Variants in TAB3 observed in about 807,000 individuals in gnomAD.
The protein encoded by TAB3 is TGF-beta activated kinase 1 (MAP3K7) binding protein 3, also known as TGF-beta-activated kinase 1 and MAP3K7-binding protein 3.
Under a neutral mutation model 48.1 loss-of-function variants are expected in TAB3, and 18 were observed. The observed-to-expected ratio is 0.37, with a 90% CI of 0.26 to 0.55. The LOEUF (loss-of-function observed/expected upper bound fraction) is 0.55. TAB3 is among the 20% of genes least tolerant of loss of function. The pLI, the probability that TAB3 is intolerant of heterozygous loss-of-function variation, is 0.78. For synonymous variants in TAB3, 185 were observed against 190.2 expected (o/e 0.97, Z 0.22); for missense variants, 414 against 549.8 (o/e 0.75, Z 2.47).
chrX:30,878,152 T>G (rs142880484), intron 1 of TAB3, among the ~76,000 whole-genome samples: 14 of 111,966 alleles, frequency 1.3e-4, no homozygotes, highest in Non-Finnish European at 2.3e-4. Flanking sequence ...TTGACAAAAC[T>G]TCTAGGAGAA....
At chrX:30,867,433 A>G (rs953935469) in intron 3 of TAB3, 32 bp downstream of exon 3, 2 of 111,764 alleles carry the variant, frequency 1.8e-5, no homozygotes, top group African/African-American at 6.5e-5. Flanking sequence ...GTTTTAAAAA[A>G]TAGAGTTATT....
intron 2 of TAB3, among the ~76,000 whole-genome samples, chrX:30,871,041 A>G (rs1423594138): frequency 1.8e-5 from 2 of 112,658 alleles, no homozygotes; most frequent in Non-Finnish European, 3.8e-5. Flanking sequence ...ATACTAGGAA[A>G]CAGATGTTAT....
At chrX:30,875,804 T>C (rs780035175) in intron 1 of TAB3, among the ~76,000 whole-genome samples, 86 of 111,929 alleles carry the variant, frequency 7.7e-4, no homozygotes, top group Non-Finnish European at 1.2e-3. Flanking sequence ...AACCTTTCAA[T>C]TAAAAATGTA....
chrX:30,849,386 T>C (rs951791554), intron 7 of TAB3, among the ~76,000 whole-genome samples: 4 of 112,674 alleles, frequency 3.6e-5, no homozygotes, highest in African/African-American at 1.3e-4. Context: ...AAATGTGCAC[T>C]GCAGTATCAT....
chrX:30,880,023 T>A (rs1057085729), intron 1 of TAB3, among the ~76,000 whole-genome samples: 2 of 111,601 alleles, frequency 1.8e-5, no homozygotes, highest in African/African-American at 6.5e-5. Context: ...CAACCATTAC[T>A]GAAAGAAATT....
Position 30,854,351 on chromosome X carries a change from A to G in TAB3, c.1314T>C (p.Ser438=), listed in dbSNP as rs141854102. Residue 438 remains serine, a synonymous_variant, in exon 6 of 11, where the codon TCT becomes TCC. Coordinates refer to ENST00000288422, the MANE Select transcript of TAB3 (RefSeq NM_152787.5). The part of the protein sequence containing the change: ...YITYTQPTGP[S]CTPSPSPRVI... The stretch of plus-strand genomic sequence containing the variant: ...CTCGAGGAGATGGTGATGGAGTACA[A>G]GAAGGTCCAGTTGGCTGTGTATATG... 5.4e-3 allele frequency: 6,563 copies of G among 1,209,867 alleles called. 16 individuals are homozygous for G. The highest frequency in any genetic ancestry group is 7.1e-3 in the Middle Eastern group (31 of 4,347).
chrX:30,853,694 G>A (rs1938944097), intron 6 of TAB3, among the ~76,000 whole-genome samples: 1 of 112,131 alleles, frequency 8.9e-6, no homozygotes, highest in South Asian at 3.7e-4. Context: ...TGTTTGTTTT[G>A]GACACAGTCT....
At chrX:30,848,555 A>G (rs928536271) in intron 7 of TAB3, among the ~76,000 whole-genome samples, 2 of 111,205 alleles carry the variant, frequency 1.8e-5, no homozygotes, top group Non-Finnish European at 3.8e-5. Flanking sequence ...CAACAGGCTC[A>G]TTTCCAAAGA....
intron 4 of TAB3, among the ~76,000 whole-genome samples, chrX:30,862,487 G>A (rs752119733): frequency 1.1e-4 from 12 of 111,538 alleles, no homozygotes; most frequent in African/African-American, 3.6e-4. Flanking sequence ...ATCAAAACAC[G>A]GACAGACAGG....
intron 2 of TAB3, among the ~76,000 whole-genome samples, chrX:30,869,823 T>A (rs1321715822): frequency 8.9e-6 from 1 of 112,473 alleles, no homozygotes; most frequent in Non-Finnish European, 1.9e-5. Flanking sequence ...ATGTATTGTA[T>A]AACAAATGTA....
intron 7 of TAB3, 100 bp from the exon 8 acceptor site, chrX:30,846,744 C>T (rs1365200421): frequency 5.9e-6 from 3 of 505,234 alleles, no homozygotes; most frequent in South Asian, 4.2e-5. Flanking sequence ...TTGGGTATTA[C>T]CAAGAATACG....
chrX:30,843,612 C>A (rs1376742239), intron 8 of TAB3: 2 of 110,998 alleles, frequency 1.8e-5, no homozygotes, highest in African/African-American at 6.5e-5. Context: ...TTTATGTATT[C>A]TTATTTTCAA....
At chrX:30,887,704 C>T (rs1004144349) in intron 1 of TAB3, among the ~76,000 whole-genome samples, 10 of 112,245 alleles carry the variant, frequency 8.9e-5, no homozygotes, top group African/African-American at 2.6e-4. Context: ...ATATAATCGA[C>T]GTTAGCTCTG....
intron 6 of TAB3, among the ~76,000 whole-genome samples, chrX:30,853,466 GAA>G (rs1938936090): frequency 1.8e-5 from 2 of 111,921 alleles, no homozygotes; most frequent in Admixed American, 1.9e-4. Context: ...ATCCTCTTTA[GAA>G]AAGATTCAAA....
chrX:30,853,044 T>C (rs1446770110), intron 6 of TAB3, 106 bp from the exon 7 acceptor site: 6 of 857,300 alleles, frequency 7.0e-6, no homozygotes, highest in Non-Finnish European at 3.2e-6. Context: ...AACTTGGGGG[T>C]TGGCATTTAC....
Position 30,843,009 on chromosome X carries a change from G to A in TAB3, c.1845C>T (p.Asn615=). 5 of 1,187,157 alleles carry A rather than the reference G, an allele frequency of 4.2e-6. No homozygotes were observed. The highest frequency in any genetic ancestry group is 5.7e-6 in the Non-Finnish European group (5 of 881,794). The change falls in exon 9 of 11, where the codon AAC becomes AAT. Residue 615 remains asparagine (N), a synonymous_variant. Transcript: ENST00000288422. ...GTGGTACAACTGGGCCAGGTTCTAT[G>A]TTGTCATAAAAATTATTCATGGCTT... ...DPKAMNNFYD[N]IEPGPVVPPK... is the part of the protein sequence containing the mutation.
chrX:30,884,592 T>C (rs1940080285), intron 1 of TAB3, among the ~76,000 whole-genome samples: 1 of 108,149 alleles, frequency 9.2e-6, no homozygotes, highest in South Asian at 4.0e-4. Flanking sequence ...AAGAGTGGTT[T>C]GGAAACCAAA....
Position 30,834,084 on chromosome X carries a change from C to T in TAB3, c.1957G>A (p.Asp653Asn). Residue 653 changes from aspartate (D) to asparagine (N), a missense_variant, in exon 10 of 11, where the codon GAC (aspartate) becomes AAC (asparagine). Coordinates refer to ENST00000288422, the MANE Select transcript of TAB3 (RefSeq NM_152787.5). ...GCTGCTGCCTGGGTGTCATGGATGT[C>T]TGCCTGTACTTTGGAGGTCACGCTA... ...RISVTSKVQADIHDTQAAAAD... is the reference protein window; with the variant it reads ...RISVTSKVQANIHDTQAAAAD... 8.3e-7 allele frequency: 1 copy of T among 1,211,673 alleles called. No individual in the cohort carries two copies. The highest frequency in any genetic ancestry group is 1.1e-6 in the Non-Finnish European group (1 of 895,471).
At chrX:30,849,572 C>T (rs962121737) in intron 7 of TAB3, among the ~76,000 whole-genome samples, 20 of 112,504 alleles carry the variant, frequency 1.8e-4, no homozygotes, top group African/African-American at 6.1e-4. Context: ...ATACTTCATG[C>T]CAGGCTTATT....
Sources: allele counts gnomAD v4.1 joint callset (sites outside exome capture counted in the v4.1 genomes callset), GRCh38; gene constraint gnomAD v4.1.1; transcripts MANE v1.5; gene names NCBI Gene and HGNC (gene_info 2026-07-23, HGNC 2026-07-21).